The following SGCD variants were observed in gnomAD, a reference collection of about 807,000 sequenced individuals.
SGCD encodes the protein sarcoglycan delta, also known as delta-sarcoglycan.
Under a neutral mutation model 36.6 loss-of-function variants are expected in SGCD, and 18 were observed. That is an observed-to-expected ratio of 0.49 (90% CI 0.34 to 0.73). The LOEUF (loss-of-function observed/expected upper bound fraction) is 0.73, where lower values mean the gene tolerates loss of function less well. Among genes scored for constraint, SGCD ranks in the 30% least tolerant of loss-of-function variants. The probability of loss-of-function intolerance (pLI) is 0.01; values close to 1 mark genes in which losing one functional copy is unlikely to be tolerated. For synonymous variants in SGCD, 133 were observed against 130.6 expected, an observed-to-expected ratio of 1.02 and a Z score of -0.12; for missense variants, 387 against 346.7, an observed-to-expected ratio of 1.12 and a Z score of -0.92.
intron 3 of SGCD, among the ~76,000 whole-genome samples, chr5:156,452,115 G>A (rs1754048223): frequency 6.6e-6 from 1 of 152,082 alleles, no homozygotes; most frequent in Admixed American, 6.5e-5. Flanking sequence ...CCATGTAGTT[G>A]TAGTAGCTTC....
At chr5:156,482,426 C>A (rs140169603) in intron 3 of SGCD, among the ~76,000 whole-genome samples, 81 of 152,230 alleles carry the variant, frequency 5.3e-4, no homozygotes, top group African/African-American at 1.9e-3. Flanking sequence ...ATTAGCATTC[C>A]ATAATAATCA....
intron 3 of SGCD, among the ~76,000 whole-genome samples, chr5:156,245,938 T>G (rs1041737547): frequency 2.0e-5 from 3 of 152,160 alleles, no homozygotes; most frequent in African/African-American, 7.2e-5. Context: ...AGAGGCTTCA[T>G]TAATGCAAGA....
At chr5:156,668,627 T>C (rs1753160178) in intron 7 of SGCD, among the ~76,000 whole-genome samples, 1 of 152,228 alleles carries the variant, frequency 6.6e-6, no homozygotes, top group Non-Finnish European at 1.5e-5. Flanking sequence ...ATTATAGCTC[T>C]TCCATTAGAG....
chr5:155,844,423 G>GTGTGTGTGTGTGTGTA, the SGCD span, among the ~76,000 whole-genome samples: 2 of 77,152 alleles, frequency 2.6e-5, no homozygotes, highest in Non-Finnish European at 8.2e-5. Context: ...CTAAGGCTTT[G>GTGTGTGTGTGTGTGTA]TGTGTGTGTG....
chr5:156,332,264 G>T (rs1248062916), intron 2 of SGCD, among the ~76,000 whole-genome samples: 1 of 152,124 alleles, frequency 6.6e-6, no homozygotes, highest in Non-Finnish European at 1.5e-5. Context: ...TTCACAAAGT[G>T]TTTTTTTGTT....
intron 3 of SGCD, among the ~76,000 whole-genome samples, chr5:156,294,053 T>C (rs1332316649): frequency 1.3e-5 from 2 of 152,174 alleles, no homozygotes; most frequent in Admixed American, 1.3e-4. Flanking sequence ...TTTACCTCTT[T>C]GGTTAAATCA....
At chr5:156,697,098 C>A (rs1754351086) in intron 7 of SGCD, among the ~76,000 whole-genome samples, 2 of 151,732 alleles carry the variant, frequency 1.3e-5, no homozygotes, top group African/African-American at 4.8e-5. Flanking sequence ...AAACATATTG[C>A]CTTAGGGGGT....
chr5:156,338,048 T>G (rs4704793), intron 2 of SGCD, among the ~76,000 whole-genome samples: 122,595 of 151,994 alleles, frequency 0.81, 50,041 homozygotes, highest in African/African-American at 0.93. Flanking sequence ...GCCCCTTCTT[T>G]TTCTCAGCTC....
intron 1 of SGCD, among the ~76,000 whole-genome samples, chr5:156,029,441 C>G (rs1468290975): frequency 2.0e-5 from 3 of 152,102 alleles, no homozygotes; most frequent in African/African-American, 4.8e-5. Flanking sequence ...ACTTGTGGAG[C>G]CTGTTTTGCA....
intron 7 of SGCD, among the ~76,000 whole-genome samples, chr5:156,683,628 A>T (rs1438473016): frequency 6.6e-6 from 1 of 152,236 alleles, no homozygotes; most frequent in Non-Finnish European, 1.5e-5. Flanking sequence ...AAGAAGAATG[A>T]CAAAGCCAGC....
intron 3 of SGCD, among the ~76,000 whole-genome samples, chr5:156,269,507 A>C (rs1047080917): frequency 2.8e-5 from 4 of 142,680 alleles, no homozygotes; most frequent in African/African-American, 5.2e-5. Flanking sequence ...AAAAAAAAAA[A>C]AAACCATCAG....
intron 3 of SGCD, among the ~76,000 whole-genome samples, chr5:156,285,679 T>A (rs1766573370): frequency 2.0e-5 from 3 of 152,170 alleles, no homozygotes; most frequent in Non-Finnish European, 4.4e-5. Context: ...TAATTCAAGA[T>A]GGATTAAAGA....
chr5:156,082,959 C>T (rs1561712478), intron 1 of SGCD, among the ~76,000 whole-genome samples: 1 of 151,710 alleles, frequency 6.6e-6, no homozygotes, highest in Non-Finnish European at 1.5e-5. Context: ...TTTTAGCCAT[C>T]CTGAAAGGTA....
At chr5:156,526,438 C>A (rs898014152) in intron 4 of SGCD, among the ~76,000 whole-genome samples, 1 of 152,198 alleles carries the variant, frequency 6.6e-6, no homozygotes, top group Non-Finnish European at 1.5e-5. Context: ...AGTGAACACA[C>A]TGCACACAAA....
At chr5:155,781,621 C>G in the SGCD span, among the ~76,000 whole-genome samples, 3 of 151,980 alleles carry the variant, frequency 2.0e-5, no homozygotes. Context: ...ACTACTATGC[C>G]TGGCTAATTT....
chr5:156,684,622 A>G (rs1226771567), intron 7 of SGCD, among the ~76,000 whole-genome samples: 1 of 152,206 alleles, frequency 6.6e-6, no homozygotes, highest in Non-Finnish European at 1.5e-5. Flanking sequence ...GCTTTAATAC[A>G]ATCACAGCAA....
chr5:156,226,342 A>G (rs868212872), intron 3 of SGCD, among the ~76,000 whole-genome samples: 2 of 152,058 alleles, frequency 1.3e-5, no homozygotes, highest in Non-Finnish European at 2.9e-5. Context: ...TTCCTGAGTT[A>G]TTTTACCTAC....
chr5:156,609,515 T>G (rs2113453283), intron 6 of SGCD, among the ~76,000 whole-genome samples: 1 of 152,308 alleles, frequency 6.6e-6, no homozygotes, highest in Middle Eastern at 3.4e-3. Flanking sequence ...ATCTGACAAT[T>G]ATGTGTCTTG....
At chr5:156,444,094 CT>C (rs1561699234) in intron 3 of SGCD, among the ~76,000 whole-genome samples, 2 of 119,092 alleles carry the variant, frequency 1.7e-5, no homozygotes, top group African/African-American at 7.4e-5. Context: ...CTCTCTCTCT[CT>C]CTCTCTCTCT....
Sources: allele counts gnomAD v4.1 joint callset (sites outside exome capture counted in the v4.1 genomes callset), GRCh38; gene constraint gnomAD v4.1.1; transcripts MANE v1.5; gene names NCBI Gene and HGNC (gene_info 2026-07-23, HGNC 2026-07-21).